Variants in ARHGAP26 observed in about 807,000 individuals in gnomAD.
ARHGAP26 encodes Rho GTPase activating protein 26, also known as rho GTPase-activating protein 26.
ARHGAP26 carries 38 observed loss-of-function variants against 104.8 expected under a neutral mutation model. The ratio of observed to expected loss-of-function variants is 0.36; its 90% CI spans 0.28 to 0.48. ARHGAP26 has a LOEUF of 0.48. ARHGAP26 is among the 20% of genes least tolerant of loss of function. The pLI is 0.99. For synonymous variants in ARHGAP26, 341 were observed against 340.0 expected, an observed-to-expected ratio of 1.00 and a Z score of -0.03; for missense variants, 704 against 947.9, an observed-to-expected ratio of 0.74 and a Z score of 3.38.
intron 2 of ARHGAP26, among the ~76,000 whole-genome samples, chr5:142,873,925 T>C (rs900093767): frequency 6.6e-6 from 1 of 152,246 alleles, no homozygotes; most frequent in Admixed American, 6.5e-5. Context: ...TTTTTTAAAA[T>C]TGAATTACCA....
rs1054219824 is a variant in ARHGAP26, at chr5:143,228,072, A to T, written c.*5626A>T. 2 of 221,842 alleles carry T rather than the reference A, an allele frequency of 9.0e-6. No homozygotes were observed. Among genetic ancestry groups the T allele is most frequent in the African/African-American group, 4.5e-5 (2 of 44,784 alleles). 13.7% of individuals were successfully genotyped at this position (221,842 alleles called of 1,614,324 possible). On this transcript the variant is annotated 3_prime_UTR_variant, in exon 23 of 23. Transcript: ENST00000645722. The stretch of plus-strand genomic sequence containing the variant: ...CCAGAGTATTGATAAACAAAATGTC[A>T]GTTACCTGGAGCAGTCCTGGAGAGG...
intron 3 of ARHGAP26, 42 bp from the exon 4 acceptor site, chr5:142,879,318 TCTTTACTGATACTG>T (rs1221316312): frequency 5.2e-6 from 8 of 1,535,642 alleles, no homozygotes; most frequent in Non-Finnish European, 7.2e-6. Context: ...CTGCTGTAAT[TCTTTACTGATACTG>T]CTTTTGTGTC....
At chr5:142,867,017 A>G (rs1394480971) in intron 1 of ARHGAP26, 1 of 152,148 alleles carries the variant, frequency 6.6e-6, no homozygotes, top group Non-Finnish European at 1.5e-5. Flanking sequence ...CCAATGTGGA[A>G]GCCAGGGCCC....
At chr5:143,019,984 C>G (rs1249030678) in intron 12 of ARHGAP26, among the ~76,000 whole-genome samples, 1 of 152,232 alleles carries the variant, frequency 6.6e-6, no homozygotes, top group Admixed American at 6.5e-5. Flanking sequence ...CCTTCTCATG[C>G]ATGTCAGGAC....
intron 12 of ARHGAP26, among the ~76,000 whole-genome samples, chr5:143,020,177 G>A (rs1780120333): frequency 6.6e-6 from 1 of 152,122 alleles, no homozygotes; most frequent in African/African-American, 2.4e-5. Context: ...TGGACTCCTG[G>A]CCTCACGTGA....
intron 18 of ARHGAP26, among the ~76,000 whole-genome samples, chr5:143,130,539 C>T (rs934950252): frequency 6.6e-6 from 1 of 152,158 alleles, no homozygotes; most frequent in Non-Finnish European, 1.5e-5. Flanking sequence ...CTCCTGCTTC[C>T]GTCATTCAGC....
intron 5 of ARHGAP26, among the ~76,000 whole-genome samples, chr5:142,890,944 G>GTATCAGTCACCTCGA (rs1562025865): frequency 2.0e-5 from 3 of 151,830 alleles, no homozygotes; most frequent in African/African-American, 7.3e-5. Flanking sequence ...TCCTTATAGG[G>GTATCAGTCACCTCGA]ATTTCCTTCT....
intron 22 of ARHGAP26, among the ~76,000 whole-genome samples, chr5:143,217,473 A>G (rs141258686): frequency 2.7e-3 from 417 of 152,360 alleles, no homozygotes; most frequent in African/African-American, 9.6e-3. Context: ...TTGAAGCAGC[A>G]TGATTCGTGA....
Position 142,771,181 on chromosome 5 carries a change from G to T in ARHGAP26, c.154+266G>T, listed in dbSNP as rs1434183809. On this transcript the variant is annotated intron_variant, in intron 1 of 22. Coordinates refer to ENST00000645722, the MANE Select transcript of ARHGAP26 (RefSeq NM_001135608.3). Reference sequence around the variant, plus strand: ...CGGGTGGTGCTCTGGGGCAGCGCGGGTGGGCGTGGGCGTGCGCGGCACGCA... The same window carrying T: ...CGGGTGGTGCTCTGGGGCAGCGCGGTTGGGCGTGGGCGTGCGCGGCACGCA... The T allele has an allele frequency of 3.1e-6, 4 of 1,285,306 alleles. No homozygotes were observed. In the East Asian group the frequency reaches 9.3e-5, roughly 30 times the overall value. The allele number at this position is 1,285,306 out of a possible 1,614,324, so 79.6% of individuals were successfully genotyped here. A position where few individuals can be genotyped will look rare whatever the true frequency, so the allele number is the denominator to read the frequency against.
At chr5:142,945,632 G>C (rs891732571) in intron 11 of ARHGAP26, among the ~76,000 whole-genome samples, 1 of 152,134 alleles carries the variant, frequency 6.6e-6, no homozygotes, top group African/African-American at 2.4e-5. Flanking sequence ...TTGTGTGTGT[G>C]TGTTTGCATT....
At chr5:142,808,504 G>A (rs551480181) in intron 1 of ARHGAP26, among the ~76,000 whole-genome samples, 3 of 151,336 alleles carry the variant, frequency 2.0e-5, no homozygotes, top group Admixed American at 6.6e-5. Flanking sequence ...TGTGAGATAC[G>A]GCTAGTGTCA....
intron 10 of ARHGAP26, among the ~76,000 whole-genome samples, chr5:142,918,136 TTTTATTTTATTTTA>T (rs1287791367): frequency 6.7e-6 from 1 of 149,590 alleles, no homozygotes; most frequent in Admixed American, 6.7e-5. Context: ...TTATTTTATA[TTTTATTTTATTTTA>T]TTTATTTTAT....
chr5:142,809,452 A>G (rs1289844535), intron 1 of ARHGAP26, among the ~76,000 whole-genome samples: 1 of 152,106 alleles, frequency 6.6e-6, no homozygotes, highest in Non-Finnish European at 1.5e-5. Context: ...GACACTAGCA[A>G]TCAAGACAGA....
At chr5:143,085,060 A>G (rs892640535) in intron 17 of ARHGAP26, among the ~76,000 whole-genome samples, 2 of 151,688 alleles carry the variant, frequency 1.3e-5, no homozygotes, top group Non-Finnish European at 2.9e-5. Context: ...AAAAAAAAAA[A>G]AAAAAAAGAA....
At chr5:143,126,624 CTTAA>C (rs1434206934) in intron 18 of ARHGAP26, among the ~76,000 whole-genome samples, 1 of 152,164 alleles carries the variant, frequency 6.6e-6, no homozygotes, top group Non-Finnish European at 1.5e-5. Flanking sequence ...GAGAGAGATT[CTTAA>C]TTTGTTTCTT....
At chr5:142,897,142 A>T (rs573678370) in intron 6 of ARHGAP26, among the ~76,000 whole-genome samples, 5 of 152,308 alleles carry the variant, frequency 3.3e-5, no homozygotes, top group Non-Finnish European at 7.4e-5. Context: ...GCTAGTCAAG[A>T]TAGCAAGCAG....
chr5:142,933,350 TG>T (rs1466161011), intron 11 of ARHGAP26, among the ~76,000 whole-genome samples: 1 of 151,730 alleles, frequency 6.6e-6, no homozygotes, highest in African/African-American at 2.4e-5. Context: ...ATGAAATAAG[TG>T]CTGTGATTCC....
chr5:143,061,797 A>G (rs778403700), intron 17 of ARHGAP26, among the ~76,000 whole-genome samples: 1 of 152,252 alleles, frequency 6.6e-6, no homozygotes, highest in African/African-American at 2.4e-5. Flanking sequence ...AGCTCCTCGC[A>G]GAGTCCCAGC....
intron 20 of ARHGAP26, among the ~76,000 whole-genome samples, chr5:143,183,576 C>T (rs1281294519): frequency 6.6e-6 from 1 of 152,334 alleles, no homozygotes. Context: ...GAGCAGCTTG[C>T]AGGCAACTCA....
Sources: gnomAD v4.1 joint callset for allele counts (sites outside exome capture counted in the v4.1 genomes callset) on GRCh38, gnomAD v4.1.1 for gene constraint, MANE v1.5 for transcripts, NCBI Gene and HGNC (gene_info 2026-07-23, HGNC 2026-07-21) for gene names.